The following PXDNL variants were observed in gnomAD, a reference collection of about 807,000 sequenced individuals.
PXDNL encodes the protein probable oxidoreductase PXDNL.
Under a neutral mutation model 150.8 loss-of-function variants are expected in PXDNL, and 145 were observed. The observed-to-expected ratio is 0.96, with a 90% CI of 0.84 to 1.10. The LOEUF is 1.10. Ranked by LOEUF, PXDNL falls within the 50% of genes least tolerant of loss-of-function variation. PXDNL has a pLI of 0.00. For missense variants in PXDNL, 2,087 were observed against 1,873.9 expected, an observed-to-expected ratio of 1.11 and a Z score of -2.10; for synonymous variants, 757 against 725.7, an observed-to-expected ratio of 1.04 and a Z score of -0.69.
At chr8:51,402,631 C>T (rs571652864) in intron 17 of PXDNL, among the ~76,000 whole-genome samples, 1 of 152,288 alleles carries the variant, frequency 6.6e-6, no homozygotes, top group Non-Finnish European at 1.5e-5. Context: ...AAAAATTACA[C>T]ACAGTATTAT....
rs559452357 is a variant in PXDNL, at chr8:51,641,554, C to G, written c.236+13135G>C. On this transcript the variant is annotated intron_variant, in intron 2 of 22. Coordinates refer to ENST00000356297, the MANE Select transcript of PXDNL (RefSeq NM_144651.5). ...TCAAAAAGTGGGCGAAGGACATGAA[C>G]AGACACTTCTCAAAAGAAGACATTT... Among the ~76,000 whole-genome samples the G allele has an allele frequency of 9.9e-5, 15 of 152,096 alleles. No homozygotes were observed. In the South Asian group the frequency reaches 2.9e-3, roughly 29 times the overall value.
At chr8:51,494,836 C>CAGTGGGG (rs1811006112) in intron 5 of PXDNL, among the ~76,000 whole-genome samples, 1 of 151,818 alleles carries the variant, frequency 6.6e-6, no homozygotes, top group Admixed American at 6.6e-5. Context: ...TAATGGGAGA[C>CAGTGGGG]TTTAACACCC....
intron 1 of PXDNL, among the ~76,000 whole-genome samples, chr8:51,716,236 T>C (rs905833194): frequency 6.6e-6 from 1 of 152,252 alleles, no homozygotes; most frequent in Non-Finnish European, 1.5e-5. Flanking sequence ...GAAAGATCTA[T>C]GTTTAATGAA....
intron 19 of PXDNL, among the ~76,000 whole-genome samples, chr8:51,363,582 T>TA (rs1806821701): frequency 6.6e-6 from 1 of 152,172 alleles, no homozygotes; most frequent in Non-Finnish European, 1.5e-5. Flanking sequence ...TGCTTTTCCA[T>TA]ACGATGTCTG....
intron 21 of PXDNL, 25 bp downstream of exon 21, chr8:51,339,599 C>T (rs757740648): frequency 2.5e-6 from 4 of 1,607,868 alleles, no homozygotes; most frequent in Non-Finnish European, 3.4e-6. Flanking sequence ...ACAATAAGGA[C>T]ATGTTATTTG....
intron 17 of PXDNL, among the ~76,000 whole-genome samples, chr8:51,376,694 A>G (rs1020219730): frequency 6.6e-6 from 1 of 151,134 alleles, no homozygotes; most frequent in Non-Finnish European, 1.5e-5. Context: ...AGTGAGAGTT[A>G]ACATGTTTTG....
At chr8:51,370,109 G>A (rs143583204) in intron 19 of PXDNL, among the ~76,000 whole-genome samples, 181 of 152,316 alleles carry the variant, frequency 1.2e-3, no homozygotes, top group African/African-American at 4.0e-3. Context: ...TAGTTTCCAG[G>A]AGCCTTATTT....
At chr8:51,632,934 AG>A (rs2130759007) in intron 2 of PXDNL, among the ~76,000 whole-genome samples, 1 of 152,216 alleles carries the variant, frequency 6.6e-6, no homozygotes, top group South Asian at 2.1e-4. Flanking sequence ...GTACATGTGT[AG>A]GTTTGTTACA....
At chr8:51,347,868 T>C (rs567314860) in intron 19 of PXDNL, among the ~76,000 whole-genome samples, 14 of 152,204 alleles carry the variant, frequency 9.2e-5, no homozygotes, top group African/African-American at 3.4e-4. Flanking sequence ...ACTTTACTGA[T>C]AATTAATAAC....
chr8:51,623,545 A>C (rs188478677), intron 2 of PXDNL, among the ~76,000 whole-genome samples: 22 of 152,228 alleles, frequency 1.4e-4, no homozygotes. Flanking sequence ...GTAATTATGC[A>C]TTCTCTGCCC....
chr8:51,560,476 C>A (rs1215197318), intron 3 of PXDNL, among the ~76,000 whole-genome samples: 1 of 151,734 alleles, frequency 6.6e-6, no homozygotes, highest in Non-Finnish European at 1.5e-5. Flanking sequence ...GATATACAGA[C>A]CAGTAGGAAG....
At chr8:51,431,264 T>C (rs1809239903) in intron 12 of PXDNL, among the ~76,000 whole-genome samples, 1 of 152,186 alleles carries the variant, frequency 6.6e-6, no homozygotes, top group Non-Finnish European at 1.5e-5. Context: ...AGAAAATACC[T>C]AGGAAAAACA....
At chr8:51,326,834 T>G (rs1384741779) in intron 21 of PXDNL, among the ~76,000 whole-genome samples, 1 of 152,144 alleles carries the variant, frequency 6.6e-6, no homozygotes, top group Admixed American at 6.5e-5. Context: ...CCTAACCCTC[T>G]GTACCTCAGA....
At chr8:51,537,510 T>C (rs888113731) in intron 4 of PXDNL, among the ~76,000 whole-genome samples, 1 of 151,982 alleles carries the variant, frequency 6.6e-6, no homozygotes, top group Admixed American at 6.6e-5. Context: ...TGGACATGAG[T>C]CCCCTAACTC....
At chr8:51,710,550 C>T (rs1361823067) in intron 1 of PXDNL, among the ~76,000 whole-genome samples, 2 of 152,164 alleles carry the variant, frequency 1.3e-5, no homozygotes, top group Non-Finnish European at 2.9e-5. Flanking sequence ...GAACTTATTT[C>T]TCCTAATGAA....
chr8:51,472,374 G>C, intron 7 of PXDNL, 70 bp from the exon 8 acceptor site: 6 of 1,136,814 alleles, frequency 5.3e-6, no homozygotes, highest in East Asian at 2.4e-5. Flanking sequence ...TGCTGAGAAA[G>C]AGATATAGGC....
intron 2 of PXDNL, among the ~76,000 whole-genome samples, chr8:51,642,914 C>T (rs1045137092): frequency 6.6e-6 from 1 of 152,082 alleles, no homozygotes; most frequent in African/African-American, 2.4e-5. Context: ...AAACAGAGAG[C>T]CAAATCATGA....
chr8:51,800,970 T>C (rs1398348039), intron 1 of PXDNL, among the ~76,000 whole-genome samples: 1 of 152,180 alleles, frequency 6.6e-6, no homozygotes, highest in Non-Finnish European at 1.5e-5. Flanking sequence ...GCAGTGATTT[T>C]AGGGAACAAG....
At chr8:51,575,258 A>C (rs1257670783) in intron 3 of PXDNL, among the ~76,000 whole-genome samples, 3 of 152,072 alleles carry the variant, frequency 2.0e-5, no homozygotes, top group Admixed American at 2.0e-4. Context: ...CAAAGACATA[A>C]GAACACTAAC....
Sources: allele counts gnomAD v4.1 joint callset (sites outside exome capture counted in the v4.1 genomes callset), GRCh38; gene constraint gnomAD v4.1.1; transcripts MANE v1.5; gene names NCBI Gene and HGNC (gene_info 2026-07-23, HGNC 2026-07-21).